The following HPSE2 variants were observed in gnomAD, a reference collection of about 807,000 sequenced individuals.
The protein encoded by HPSE2 is heparanase 2 (inactive), also known as inactive heparanase-2.
In HPSE2, 38 loss-of-function variants were observed where a neutral mutation model predicts 60.5. The observed-to-expected ratio is 0.63, with a 90% CI of 0.48 to 0.82. HPSE2 has a LOEUF of 0.82. Among genes scored for constraint, HPSE2 ranks in the 40% least tolerant of loss-of-function variants. HPSE2 has a pLI of 0.00. For synonymous variants in HPSE2, 295 were observed against 293.2 expected (o/e 1.01, Z -0.06); for missense variants, 713 against 740.4 (o/e 0.96, Z 0.43).
intron 9 of HPSE2, among the ~76,000 whole-genome samples, chr10:98,588,242 A>G (rs1944990610): frequency 1.3e-5 from 2 of 152,210 alleles, no homozygotes; most frequent in African/African-American, 4.8e-5. Context: ...AGGATTGAGG[A>G]TATGATGTAG....
the HPSE2 span, among the ~76,000 whole-genome samples, chr10:99,276,981 T>C: frequency 1.3e-5 from 2 of 152,224 alleles, no homozygotes; most frequent in South Asian, 4.1e-4. Context: ...ATTATGGTGC[T>C]ATATTACCCA....
intron 9 of HPSE2, among the ~76,000 whole-genome samples, chr10:98,603,493 G>A (rs1383441710): frequency 6.7e-6 from 1 of 148,718 alleles, no homozygotes; most frequent in East Asian, 2.0e-4. Flanking sequence ...ACAGTGGCTT[G>A]ATCTTGGCTT....
chr10:99,014,372 T>A (rs932251948), intron 3 of HPSE2, among the ~76,000 whole-genome samples: 2 of 152,240 alleles, frequency 1.3e-5, no homozygotes, highest in African/African-American at 4.8e-5. Context: ...CCACTTAGGT[T>A]GATTCCATGT....
chr10:99,164,211 T>C (rs1386298327), intron 2 of HPSE2, among the ~76,000 whole-genome samples: 1 of 131,318 alleles, frequency 7.6e-6, no homozygotes, highest in Non-Finnish European at 1.6e-5. Context: ...TCTCCACTCA[T>C]TTATTTATTC....
intron 3 of HPSE2, among the ~76,000 whole-genome samples, chr10:98,744,915 G>A (rs1257832459): frequency 2.0e-5 from 3 of 151,996 alleles, no homozygotes; most frequent in Admixed American, 6.5e-5. Flanking sequence ...CTACAAATAC[G>A]TTCATTGCCG....
intron 9 of HPSE2, among the ~76,000 whole-genome samples, chr10:98,531,816 C>T (rs1943139768): frequency 6.6e-6 from 1 of 152,058 alleles, no homozygotes; most frequent in African/African-American, 2.4e-5. Flanking sequence ...CTACTGTTTG[C>T]TTACCAACTG....
At chr10:99,281,222 ATAT>A in the HPSE2 span, among the ~76,000 whole-genome samples, 1 of 148,822 alleles carries the variant, frequency 6.7e-6, no homozygotes, top group East Asian at 1.9e-4. Context: ...TTTTAAGTAC[ATAT>A]TAAAAACAGA....
the HPSE2 span, among the ~76,000 whole-genome samples, chr10:99,266,823 G>A: frequency 3.2e-4 from 48 of 152,208 alleles, no homozygotes; most frequent in African/African-American, 7.0e-4. Context: ...CACATCACAC[G>A]ACTCTGTGCA....
At chr10:98,894,194 T>G (rs2134949079) in intron 3 of HPSE2, among the ~76,000 whole-genome samples, 1 of 152,240 alleles carries the variant, frequency 6.6e-6, no homozygotes. Flanking sequence ...AAAACAATCC[T>G]TCAGTTCAGG....
At chr10:98,646,315 CTTTTTTCTTT>C (rs1029659656) in intron 6 of HPSE2, among the ~76,000 whole-genome samples, 3 of 88,660 alleles carry the variant, frequency 3.4e-5, no homozygotes, top group African/African-American at 9.9e-5. Flanking sequence ...TTCTTTTTTT[CTTTTTTCTTT>C]TTTTTTTTTT....
At chr10:98,492,306 T>A (rs897627001) in intron 9 of HPSE2, among the ~76,000 whole-genome samples, 12 of 151,986 alleles carry the variant, frequency 7.9e-5, no homozygotes, top group African/African-American at 2.9e-4. Flanking sequence ...ATCGAGACCA[T>A]CCTGGCTAAC....
the HPSE2 span, among the ~76,000 whole-genome samples, chr10:99,242,458 C>T: frequency 3.9e-5 from 6 of 152,198 alleles, no homozygotes; most frequent in Non-Finnish European, 7.3e-5. Flanking sequence ...ATGTGATTGA[C>T]TCTAATAAGT....
chr10:99,263,715 C>T, the HPSE2 span, among the ~76,000 whole-genome samples: 1 of 152,030 alleles, frequency 6.6e-6, no homozygotes, highest in Non-Finnish European at 1.5e-5. Context: ...ACACTCAACG[C>T]AGATGGTTCT....
intron 9 of HPSE2, among the ~76,000 whole-genome samples, chr10:98,596,132 T>C (rs1945229353): frequency 6.6e-6 from 1 of 152,214 alleles, no homozygotes; most frequent in Non-Finnish European, 1.5e-5. Flanking sequence ...TTTGCATCTA[T>C]ATGCATCAGG....
intron 3 of HPSE2, among the ~76,000 whole-genome samples, chr10:99,020,233 G>T (rs1396497340): frequency 6.6e-6 from 1 of 152,006 alleles, no homozygotes; most frequent in African/African-American, 2.4e-5. Context: ...CTGATCTGGA[G>T]ATATTTAATT....
intron 9 of HPSE2, among the ~76,000 whole-genome samples, chr10:98,588,669 C>G (rs1441028176): frequency 6.6e-6 from 1 of 152,054 alleles, no homozygotes; most frequent in Non-Finnish European, 1.5e-5. Context: ...TGCTCAACAG[C>G]AGGCACCGAG....
intron 3 of HPSE2, among the ~76,000 whole-genome samples, chr10:98,777,166 A>G (rs1229670547): frequency 6.6e-6 from 1 of 152,172 alleles, no homozygotes; most frequent in East Asian, 1.9e-4. Flanking sequence ...GTTCCGGGAG[A>G]TTAAAAAACA....
At chr10:98,863,668 G>T (rs1408083148) in intron 3 of HPSE2, among the ~76,000 whole-genome samples, 1 of 152,076 alleles carries the variant, frequency 6.6e-6, no homozygotes, top group Non-Finnish European at 1.5e-5. Flanking sequence ...TACCCTATGG[G>T]TTAAATATTC....
chr10:99,124,326 GACTCCAGCCAGA>G (rs1459528951), intron 3 of HPSE2, among the ~76,000 whole-genome samples: 2 of 152,220 alleles, frequency 1.3e-5, no homozygotes, highest in Non-Finnish European at 2.9e-5. Context: ...CTGGTCCTCA[GACTCCAGCCAGA>G]ACTCACAGCC....
Sources: allele counts gnomAD v4.1 joint callset (sites outside exome capture counted in the v4.1 genomes callset), GRCh38; gene constraint gnomAD v4.1.1; transcripts MANE v1.5; gene names NCBI Gene and HGNC (gene_info 2026-07-23, HGNC 2026-07-21).